LTBP4: variants seen among roughly 807,000 people sequenced by gnomAD.
LTBP4 encodes the protein latent transforming growth factor beta binding protein 4, also known as latent-transforming growth factor beta-binding protein 4.
In LTBP4, 93 loss-of-function variants were observed where a neutral mutation model predicts 180.2. The observed-to-expected ratio is 0.52, with a 90% CI of 0.44 to 0.61. LTBP4 has a LOEUF of 0.61. Among genes scored for constraint, LTBP4 ranks in the 20% least tolerant of loss-of-function variants. The probability of loss-of-function intolerance (pLI) is 0.00; values close to 1 mark genes in which losing one functional copy is unlikely to be tolerated. For synonymous variants in LTBP4, 947 were observed against 934.5 expected (o/e 1.01, Z -0.24); for missense variants, 2,116 against 2,256.5 (o/e 0.94, Z 1.26).
rs890839889 is a variant in LTBP4 at position 40,627,369 on chromosome 19, G to C, written c.4366+14G>C. The C allele has an allele frequency of 6.7e-7, 1 of 1,483,752 alleles. No homozygotes were observed. The highest frequency in any genetic ancestry group is 8.9e-7 in the Non-Finnish European group (1 of 1,120,590). The allele number at this position is 1,483,752 out of a possible 1,614,324, so 91.9% of individuals were successfully genotyped here. Reference sequence around the variant, plus strand: ...GAAGCTATGCTGGTGAGCACTGCCAGCGCATGATGAGACTGAGATGAGGGG... The same window carrying C: ...GAAGCTATGCTGGTGAGCACTGCCACCGCATGATGAGACTGAGATGAGGGG... On this transcript the variant is annotated intron_variant, in intron 28 of 29. Coordinates refer to ENST00000396819, the MANE Select transcript of LTBP4 (RefSeq NM_001042545.2).
chr19:40,603,372 G>A (rs548701157), intron 1 of LTBP4, among the ~76,000 whole-genome samples: 13 of 152,244 alleles, frequency 8.5e-5, no homozygotes, highest in Middle Eastern at 3.4e-3. Flanking sequence ...TTCCACAGAG[G>A]GACTCGGCCA....
At chr19:40,596,630 A>C (rs2081391926), upstream of LTBP4, among the ~76,000 whole-genome samples, 1 of 152,190 alleles carries the variant, frequency 6.6e-6, no homozygotes, top group East Asian at 1.9e-4. Context: ...CAGGGTCTTG[A>C]GAAGAGATCA....
Position 40,606,320 on chromosome 19 carries a change from AG to A in LTBP4, c.868+17del. On this transcript the variant is annotated intron_variant, in intron 5 of 29. Coordinates refer to ENST00000396819, the MANE Select transcript of LTBP4 (RefSeq NM_001042545.2). ...GGGTCCTGCGAAGGTGCAACGGGGCAGGGGTGGGAGGGGCTTGGTTCTGGGG... is the reference window on the plus strand; with the variant it reads ...GGGTCCTGCGAAGGTGCAACGGGGCAGGGTGGGAGGGGCTTGGTTCTGGGG... The A allele has an allele frequency of 7.7e-7, 1 of 1,293,414 alleles. No homozygotes were observed. The highest frequency in any genetic ancestry group is 1.1e-6 in the Non-Finnish European group (1 of 893,616). The allele number at this position is 1,293,414 out of a possible 1,614,324, so 80.1% of individuals were successfully genotyped here.
chr19:40,605,843 G>A lies in LTBP4; in HGVS notation c.793+12G>A. ...CTCCGAGCGCCTGGGTAAGCCCCAG[G>A]ACGTCCCCGAAGTGCTCGGAGCTGG... is the stretch of plus-strand genomic sequence containing the variant. On this transcript the variant is annotated intron_variant, in intron 4 of 29. Coordinates refer to ENST00000396819, the MANE Select transcript of LTBP4 (RefSeq NM_001042545.2). This position sits in a 1 kb window ranked among gnomAD's most constrained non-coding sequence, Gnocchi z 5.5. The A allele has an allele frequency of 2.0e-6, 3 of 1,536,130 alleles. No individual in the cohort carries two copies. The highest frequency in any genetic ancestry group is 2.6e-6 in the Non-Finnish European group (3 of 1,146,466).
Position 40,608,485 on chromosome 19 carries a change from C to T in LTBP4, c.1308C>T (p.Gly436=), listed in dbSNP as rs2081480348. 20 of 1,601,430 alleles carry T rather than the reference C, an allele frequency of 1.2e-5. No individual in the cohort carries two copies. Among genetic ancestry groups the T allele is most frequent in the Non-Finnish European group, 1.5e-5 (18 of 1,174,394 alleles). The part of the protein sequence containing the change: ...TLPATSRPSA[G]FLPTHRLEPR... ...TCGTTGATACCCCTTCTTTATCAGG[C>T]TTTCTGCCCACCCATCGCCTGGAGC... The change falls in exon 9 of 30, where the codon GGC becomes GGT. Residue 436 remains glycine, a splice_region_variant and synonymous_variant. Coordinates refer to ENST00000396819, the MANE Select transcript of LTBP4 (RefSeq NM_001042545.2).
chr19:40,599,447 C>T (rs1374073606), upstream of LTBP4: 1 of 1,613,858 alleles, frequency 6.2e-7, no homozygotes, highest in Non-Finnish European at 8.5e-7. Flanking sequence ...AAGCTGCCAG[C>T]CCAAAAAGTG....
intron 29 of LTBP4, among the ~76,000 whole-genome samples, chr19:40,628,842 T>C (rs1278408516): frequency 1.3e-5 from 2 of 151,534 alleles, no homozygotes; most frequent in East Asian, 3.9e-4. Flanking sequence ...TCAGTATTTT[T>C]TTCTTCTTTT....
rs371487938 is a variant in LTBP4 at position 40,610,065 on chromosome 19, C to G, written c.1684+194C>G. 5.7e-5 allele frequency: 41 copies of G among 718,762 alleles called. No individual in the cohort carries two copies. In the African/African-American group the frequency reaches 6.8e-4, roughly 12 times the overall value. The allele number at this position is 718,762 out of a possible 1,614,324, so 44.5% of individuals were successfully genotyped here. A position where few individuals can be genotyped will look rare whatever the true frequency, so the allele number is the denominator to read the frequency against. On this transcript the variant is annotated intron_variant, in intron 11 of 29. Coordinates refer to ENST00000396819, the MANE Select transcript of LTBP4 (RefSeq NM_001042545.2). Reference sequence around the variant, plus strand: ...AGCCTCCCTTTGACCCCACCCCTACCCAGCTCCCAAACTGCCAGTTTCTAT... The same window carrying G: ...AGCCTCCCTTTGACCCCACCCCTACGCAGCTCCCAAACTGCCAGTTTCTAT...
Position 40,613,604 on chromosome 19 carries a change from G to T in LTBP4, c.2557+75G>T. On this transcript the variant is annotated intron_variant, in intron 17 of 29. Transcript: ENST00000396819. This position sits in a 1 kb window ranked among gnomAD's most constrained non-coding sequence, Gnocchi z 5.0. ...GAAAAGGCGGGACGGGGAGAAGAGG[G>T]CGAAAAGGGGAAAACGAGTTTTTAG... The T allele has an allele frequency of 2.6e-6, 4 of 1,538,170 alleles. No individual in the cohort carries two copies. Among genetic ancestry groups the T allele is most frequent in the Non-Finnish European group, 3.5e-6 (4 of 1,145,750 alleles).
At chr19:40,614,545 G>T in intron 19 of LTBP4, 99 bp downstream of exon 19, 1 of 1,434,490 alleles carries the variant, frequency 7.0e-7, no homozygotes, top group Non-Finnish European at 9.3e-7. Context: ...CCCAGACTTA[G>T]GCGGAGGGAA....
chr19:40,623,804 T>A, intron 25 of LTBP4, 72 bp downstream of exon 25: 1 of 1,601,366 alleles, frequency 6.2e-7, no homozygotes, highest in Non-Finnish European at 8.5e-7. Flanking sequence ...CCCTCTGGAA[T>A]GTGGCCACCA....
chr19:40,608,970 A>G, intron 9 of LTBP4: 1 of 216,588 alleles, frequency 4.6e-6, no homozygotes. Flanking sequence ...CTGGGGTAAA[A>G]GACTCCAAGG....
rs760786614 is a variant in LTBP4, at chr19:40,622,618, G to A, written c.3435G>A (p.Glu1145=). The A allele has an allele frequency of 5.0e-6, 8 of 1,611,406 alleles. No homozygotes were observed. The African/African-American group carries it at 6.7e-5, about 13-fold the overall frequency. The change falls in exon 23 of 30, where the codon GAG becomes GAA. Residue 1145 remains glutamate, a synonymous_variant. Transcript: ENST00000396819. This position sits in a 1 kb window ranked among gnomAD's most constrained non-coding sequence, Gnocchi z 5.1. ...TWQECCCTVG[E]GWGSGCRIQQ... is the part of the protein sequence containing the mutation. ...AGGAGTGCTGCTGTACTGTGGGTGA[G>A]GGCTGGGGCAGCGGCTGCCGCATCC... is the stretch of plus-strand genomic sequence containing the variant.
rs1323268772 is a variant in LTBP4 at position 40,614,389 on chromosome 19, C to A, written c.2755C>A (p.Arg919Ser). The change falls in exon 19 of 30, where the codon CGC (arginine) becomes AGC (serine). Residue 919 changes from arginine to serine, a missense_variant. By Grantham distance (110) the Arg-to-Ser change is moderately radical. Around this residue, in one of 5 missense-constraint regions of LTBP4, gnomAD observed 877 missense variants for 873.6 expected, o/e 1.00. Coordinates refer to ENST00000396819, the MANE Select transcript of LTBP4 (RefSeq NM_001042545.2). The stretch of plus-strand genomic sequence containing the variant: ...CTGTGAGAACTCTCCCGGCTCCTAC[C>A]GCTGTGTCCGGGACTGCGATCCTGG... ...QRCENSPGSY[R>S]CVRDCDPGYH... 1 of 1,600,412 alleles carries A rather than the reference C, an allele frequency of 6.2e-7. No individual in the cohort carries two copies. The highest frequency in any genetic ancestry group is 1.1e-5 in the South Asian group (1 of 91,080).
intron 11 of LTBP4, chr19:40,610,206 C>T: frequency 2.0e-6 from 1 of 496,752 alleles, no homozygotes; most frequent in Middle Eastern, 5.3e-4. Flanking sequence ...CCTGCAACTG[C>T]GGCAACCAAT....
At chr19:40,600,144 C>A, upstream of LTBP4, 1 of 1,256,588 alleles carries the variant, frequency 8.0e-7, no homozygotes, top group Non-Finnish European at 1.0e-6. The surrounding 1 kb of genome is among the most constrained non-coding windows in gnomAD (Gnocchi z 4.4). Flanking sequence ...GAGAAGGAGG[C>A]CCCCACAGCG....
At chr19:40,607,261 A>ACCCCCC in intron 6 of LTBP4, 104 bp from the exon 7 acceptor site, 1 of 490,448 alleles carries the variant, frequency 2.0e-6, no homozygotes, top group Non-Finnish European at 3.3e-6. Context: ...GCACCCACCA[A>ACCCCCC]CCCCCCACCC....
At chr19:40,597,044 C>T (rs923874523), upstream of LTBP4, among the ~76,000 whole-genome samples, 6 of 152,120 alleles carry the variant, frequency 3.9e-5, no homozygotes, top group African/African-American at 1.4e-4. Context: ...CTGCTGCCTC[C>T]TGATTGGCCG....
At chr19:40,618,259 G>GTT (rs1055926861) in intron 21 of LTBP4, among the ~76,000 whole-genome samples, 23 of 135,890 alleles carry the variant, frequency 1.7e-4, no homozygotes, top group Admixed American at 3.7e-4. Flanking sequence ...GTAGAGATGA[G>GTT]TTTTTTTTTT....
Sources: allele counts gnomAD v4.1 joint callset (sites outside exome capture counted in the v4.1 genomes callset), GRCh38; gene constraint gnomAD v4.1.1; regional missense constraint gnomAD v4.1.1; non-coding constraint Gnocchi (gnomAD v3.1); transcripts MANE v1.5; gene names NCBI Gene and HGNC (gene_info 2026-07-23, HGNC 2026-07-21).